RAD51B: variants seen among roughly 807,000 people sequenced by gnomAD.
The protein encoded by RAD51B is RAD51 paralog B.
A neutral mutation model predicts 42.2 loss-of-function variants in RAD51B; 38 were observed. That is an observed-to-expected ratio of 0.90 (90% CI 0.70 to 1.18). The LOEUF is 1.18. Among genes scored for constraint, RAD51B ranks in the 50% most tolerant of loss-of-function variants. The pLI is 0.00. For synonymous variants in RAD51B, 154 were observed against 145.2 expected (o/e 1.06, Z -0.43); for missense variants, 373 against 400.7 (o/e 0.93, Z 0.59).
chr14:68,153,214 AT>A (rs1213326850), intron 7 of RAD51B, among the ~76,000 whole-genome samples: 1 of 152,234 alleles, frequency 6.6e-6, no homozygotes, highest in East Asian at 1.9e-4. Flanking sequence ...CTTGTCATAC[AT>A]TTAAATATAC....
intron 8 of RAD51B, among the ~76,000 whole-genome samples, chr14:68,404,960 C>T (rs1350346857): frequency 1.3e-5 from 2 of 152,092 alleles, no homozygotes; most frequent in East Asian, 1.9e-4. Context: ...CAGAATAACA[C>T]GTTATTTGAC....
chr14:68,190,371 G>A (rs1266137435), intron 7 of RAD51B, among the ~76,000 whole-genome samples: 1 of 152,084 alleles, frequency 6.6e-6, no homozygotes, highest in Non-Finnish European at 1.5e-5. Flanking sequence ...TCTTTGAAAA[G>A]TATATATGGA....
intron 10 of RAD51B, among the ~76,000 whole-genome samples, chr14:68,630,379 T>TC (rs1475317687): frequency 6.6e-6 from 1 of 151,140 alleles, no homozygotes; most frequent in Non-Finnish European, 1.5e-5. Context: ...CCCCCACTAG[T>TC]CCCCCTGCAG....
chr14:68,465,542 T>C (rs1011800726), intron 9 of RAD51B, among the ~76,000 whole-genome samples: 2 of 152,154 alleles, frequency 1.3e-5, no homozygotes, highest in African/African-American at 4.8e-5. Flanking sequence ...AATCAGAATA[T>C]GTAGGTCAAC....
intron 10 of RAD51B, among the ~76,000 whole-genome samples, chr14:68,520,973 G>A (rs973880293): frequency 1.3e-5 from 2 of 152,148 alleles, no homozygotes; most frequent in African/African-American, 4.8e-5. Flanking sequence ...GATTGTTTTG[G>A]GTGGCAGGGG....
intron 10 of RAD51B, among the ~76,000 whole-genome samples, chr14:68,625,724 G>A (rs1344116595): frequency 6.6e-6 from 1 of 152,186 alleles, no homozygotes; most frequent in Non-Finnish European, 1.5e-5. Context: ...AGATGGGGGA[G>A]GTCTTGAACA....
Position 68,282,175 on chromosome 14 carries a change from G to T in RAD51B, c.757-9709G>T, listed in dbSNP as rs188039883. Among the ~76,000 whole-genome samples, 29 of 152,132 alleles carry T rather than the reference G, an allele frequency of 1.9e-4. 1 individual carries two copies. In the East Asian group the frequency reaches 5.4e-3, roughly 28 times the overall value. On this transcript the variant is annotated intron_variant, in intron 7 of 10. Transcript: ENST00000471583. ...TTTTTGTAGTTTTAGTAGAGACAGG[G>T]TTTCACCATGTTGGCCAGGCTGGTC...
intron 7 of RAD51B, among the ~76,000 whole-genome samples, chr14:67,955,841 G>A (rs924012460): frequency 2.0e-5 from 3 of 152,206 alleles, no homozygotes; most frequent in Admixed American, 6.5e-5. Flanking sequence ...TGAACTGGAC[G>A]TTGGAGTACA....
At chr14:68,103,162 G>A (rs1343169121) in intron 7 of RAD51B, among the ~76,000 whole-genome samples, 1 of 152,108 alleles carries the variant, frequency 6.6e-6, no homozygotes, top group East Asian at 1.9e-4. Flanking sequence ...AGCCAAACCA[G>A]TCAACCCCCA....
Position 68,594,569 on chromosome 14 carries a change from T to C in RAD51B, c.1121T>C (p.Leu374Pro), listed in dbSNP as rs61755650. The C allele has an allele frequency of 1.8e-3, 2,303 of 1,314,016 alleles. 30 individuals carry two copies. In the African/African-American group the frequency reaches 0.031, roughly 18 times the overall value. The allele number at this position is 1,314,016 out of a possible 1,614,324, so 81.4% of individuals were successfully genotyped here. A position where few individuals can be genotyped will look rare whatever the true frequency, so the allele number is the denominator to read the frequency against. ...CCTCAGCCTCCTGAGCAGCTAGGAC[T>C]ACAGATGTGCCACCATACCCAGCTA... Residue 374 changes from leucine (L) to proline (P), a missense_variant, in exon 11 of 11, where the codon CTA becomes CCA. Transcript: ENST00000487270.
downstream of RAD51B, among the ~76,000 whole-genome samples, chr14:68,614,941 C>T (rs151185623): frequency 6.6e-6 from 1 of 152,328 alleles, no homozygotes; most frequent in East Asian, 1.9e-4. Flanking sequence ...GGCATGATCT[C>T]AGCTCACTGC....
At chr14:68,194,200 T>C (rs1200557973) in intron 7 of RAD51B, among the ~76,000 whole-genome samples, 1 of 152,220 alleles carries the variant, frequency 6.6e-6, no homozygotes, top group African/African-American at 2.4e-5. Flanking sequence ...TGCTATTTTG[T>C]AATGGAACGC....
At chr14:68,005,487 C>A (rs150422404) in intron 7 of RAD51B, among the ~76,000 whole-genome samples, 72 of 152,242 alleles carry the variant, frequency 4.7e-4, no homozygotes, top group Non-Finnish European at 8.1e-4. Context: ...ATCAGTTATG[C>A]ATGTATTTAG....
intron 8 of RAD51B, among the ~76,000 whole-genome samples, chr14:68,293,185 C>T (rs1595670533): frequency 6.6e-6 from 1 of 152,196 alleles, no homozygotes; most frequent in African/African-American, 2.4e-5. Context: ...TTGTTCTGCT[C>T]TGTTGCTCTC....
chr14:68,195,056 G>A (rs2079342134), intron 7 of RAD51B, among the ~76,000 whole-genome samples: 2 of 152,166 alleles, frequency 1.3e-5, no homozygotes, highest in African/African-American at 4.8e-5. Flanking sequence ...GGGATATGAA[G>A]TTGAAGAAGA....
At chr14:68,014,199 CTTTTTTT>C (rs35420035) in intron 7 of RAD51B, among the ~76,000 whole-genome samples, 2 of 138,330 alleles carry the variant, frequency 1.4e-5, no homozygotes. Flanking sequence ...TCTTTTCTTT[CTTTTTTT>C]TTTTTTTTCC....
chr14:68,465,587 C>T (rs58126755), intron 9 of RAD51B, among the ~76,000 whole-genome samples: 3,927 of 152,194 alleles, frequency 0.026, 151 homozygotes, highest in African/African-American at 0.088. Flanking sequence ...ACATTAAAAT[C>T]GAGAACCACT....
intron 10 of RAD51B, among the ~76,000 whole-genome samples, chr14:68,548,490 T>G (rs1029722076): frequency 7.2e-5 from 11 of 152,204 alleles, no homozygotes; most frequent in African/African-American, 1.9e-4. Context: ...GACGGCAGTT[T>G]GATTTACTCC....
At chr14:68,335,896 G>A (rs1390939096) in intron 8 of RAD51B, among the ~76,000 whole-genome samples, 2 of 152,180 alleles carry the variant, frequency 1.3e-5, no homozygotes, top group East Asian at 1.9e-4. Context: ...AGAAGGAGAG[G>A]TTAAAAGTCT....
Sources: allele counts gnomAD v4.1 joint callset (sites outside exome capture counted in the v4.1 genomes callset), GRCh38; gene constraint gnomAD v4.1.1; transcripts MANE v1.5; gene names NCBI Gene and HGNC (gene_info 2026-07-23, HGNC 2026-07-21).